COQ7: variants seen among roughly 807,000 people sequenced by gnomAD.
The protein encoded by COQ7 is NADPH-dependent 3-demethoxyubiquinone 3-hydroxylase, mitochondrial.
COQ7 carries 21 observed loss-of-function variants against 25.0 expected under a neutral mutation model. The ratio of observed to expected loss-of-function variants is 0.84; its 90% confidence interval spans 0.60 to 1.21. COQ7 has a LOEUF of 1.21. Ranked by LOEUF, COQ7 falls within the 50% of genes most tolerant of loss-of-function variation. The pLI, the probability that COQ7 is intolerant of heterozygous loss-of-function variation, is 0.00. For missense variants in COQ7, 311 were observed against 296.2 expected (o/e 1.05, Z -0.37); for synonymous variants, 125 against 112.4 (o/e 1.11, Z -0.71).
In COQ7 at chr16:19,078,745, C is replaced by G. The variant is rs1052085408; in HGVS notation, c.*587C>G. 1 of 152,090 alleles carries G rather than the reference C, an allele frequency of 6.6e-6. No individual in the cohort carries two copies. The highest frequency in any genetic ancestry group is 2.4e-5 in the African/African-American group (1 of 41,392). The allele number at this position is 152,090 out of a possible 1,614,324, so 9.4% of individuals were successfully genotyped here. ...GGGATTACAGGTGTGAGCCACTTCA[C>G]CAGGCCCATTTTCTCCTAAAACTTC... On this transcript the variant is annotated 3_prime_UTR_variant, in exon 6 of 6. Coordinates refer to ENST00000321998, the MANE Select transcript of COQ7 (RefSeq NM_016138.5).
chr16:19,072,056 G>A lies in COQ7; in HGVS notation c.202G>A (p.Ala68Thr). ...CGAATATGGAGCAAACCGCATCTAT[G>A]CCGGGCAGATGGCTGTCCTGGGTCG... Reference protein sequence around the residue: ...AGEYGANRIYAGQMAVLGRTS... With the variant: ...AGEYGANRIYTGQMAVLGRTS... The change falls in exon 2 of 6, where the codon GCC (alanine) becomes ACC (threonine). Residue 68 changes from alanine to threonine, a missense_variant. Transcript: ENST00000321998. 1 of 1,614,220 alleles carries A rather than the reference G, an allele frequency of 6.2e-7. No homozygotes were observed.
In COQ7 at chr16:19,079,220, C is replaced by G. The variant is rs1458764877; in HGVS notation, c.*1062C>G. On this transcript the variant is annotated 3_prime_UTR_variant, in exon 6 of 6. Coordinates refer to ENST00000321998, the MANE Select transcript of COQ7 (RefSeq NM_016138.5). Reference sequence around the variant, plus strand: ...AGCACTTTGATCACGGACTTCCCAGCCTCTAGGACTGTGAGCAATAAATGT... The same window carrying G: ...AGCACTTTGATCACGGACTTCCCAGGCTCTAGGACTGTGAGCAATAAATGT... The G allele has an allele frequency of 1.3e-5, 2 of 152,174 alleles. No homozygotes were observed. Among genetic ancestry groups the G allele is most frequent in the African/African-American group, 4.8e-5 (2 of 41,436 alleles). The allele number at this position is 152,174 out of a possible 1,614,324, so 9.4% of individuals were successfully genotyped here. A position where few individuals can be genotyped will look rare whatever the true frequency, so the allele number is the denominator to read the frequency against.
At chr16:19,076,346 C>T (rs1411714850) in intron 4 of COQ7, among the ~76,000 whole-genome samples, 2 of 150,562 alleles carry the variant, frequency 1.3e-5, no homozygotes, top group Non-Finnish European at 2.9e-5. Flanking sequence ...CCTCTCTCCT[C>T]AGCTTCCCAA....
chr16:19,080,759 ATTATG>A (rs968990293), downstream of COQ7, among the ~76,000 whole-genome samples: 4 of 152,136 alleles, frequency 2.6e-5, no homozygotes, highest in African/African-American at 9.7e-5. Context: ...AATTAGGGTT[ATTATG>A]TTAAGTTATT....
chr16:19,075,981 G>T, intron 4 of COQ7, 121 bp downstream of exon 4: 1 of 1,329,480 alleles, frequency 7.5e-7, no homozygotes, highest in South Asian at 1.3e-5. Flanking sequence ...GCTCAGGTCA[G>T]TGCCTCAGTT....
At chr16:19,077,592 T>TTTTTTTTTTTTTTTTTTTTTTTTC (rs1962922433) in intron 5 of COQ7, among the ~76,000 whole-genome samples, 1 of 110,234 alleles carries the variant, frequency 9.1e-6, no homozygotes, top group African/African-American at 3.9e-5. Flanking sequence ...CCCAGAAGCT[T>TTTTTTTTTTTTTTTTTTTTTTTTC]TTTTTTTTTT....
At chr16:19,069,859 C>T (rs1962464563) in intron 1 of COQ7, among the ~76,000 whole-genome samples, 1 of 152,154 alleles carries the variant, frequency 6.6e-6, no homozygotes, top group Admixed American at 6.5e-5. Context: ...TCTTAGCTCA[C>T]TGCAGCCTTT....
Position 19,072,519 on chromosome 16 carries a change from T to C in COQ7, c.252+413T>C, listed in dbSNP as rs183286573. On this transcript the variant is annotated intron_variant, in intron 2 of 5. Coordinates refer to ENST00000321998, the MANE Select transcript of COQ7 (RefSeq NM_016138.5). ...ACACAGACCTGGTTCACATTTTGGC[T>C]CTCTCCCACCTCCTACCTGTGCGAC... The C allele has an allele frequency of 1.6e-3, 259 of 163,868 alleles. 5 individuals carry two copies. In the East Asian group the frequency reaches 0.028, roughly 18 times the overall value. The allele number at this position is 163,868 out of a possible 1,614,324, so 10.2% of individuals were successfully genotyped here. A position where few individuals can be genotyped will look rare whatever the true frequency, so the allele number is the denominator to read the frequency against.
In COQ7 at chr16:19,078,410, C is replaced by T. The variant is rs2142401399; in HGVS notation, c.*252C>T. 1 of 290,204 alleles carries T rather than the reference C, an allele frequency of 3.4e-6. No homozygotes were observed. Among genetic ancestry groups the T allele is most frequent in the East Asian group, 5.7e-5 (1 of 17,504 alleles). 18.0% of individuals were successfully genotyped at this position (290,204 alleles called of 1,614,324 possible). A position where few individuals can be genotyped will look rare whatever the true frequency, so the allele number is the denominator to read the frequency against. ...AACGAAGCTGGGCCTTGTTTGGTCTCATACTTAATTTTCTTTTATATACAT... is the reference window on the plus strand; with the variant it reads ...AACGAAGCTGGGCCTTGTTTGGTCTTATACTTAATTTTCTTTTATATACAT... On this transcript the variant is annotated 3_prime_UTR_variant, in exon 6 of 6. Coordinates refer to ENST00000321998, the MANE Select transcript of COQ7 (RefSeq NM_016138.5).
chr16:19,067,984 C>A, intron 1 of COQ7: 2 of 1,405,722 alleles, frequency 1.4e-6, no homozygotes, highest in Non-Finnish European at 9.2e-7. Flanking sequence ...CGCAATTGCA[C>A]CCCTGTGCAG....
intron 1 of COQ7, among the ~76,000 whole-genome samples, chr16:19,069,931 G>A (rs1388825343): frequency 3.3e-5 from 5 of 151,884 alleles, no homozygotes; most frequent in Admixed American, 1.3e-4. Flanking sequence ...CTACAGGCAC[G>A]TGCCACGATG....
At chr16:19,070,826 C>T (rs1039665992) in intron 1 of COQ7, among the ~76,000 whole-genome samples, 2 of 152,048 alleles carry the variant, frequency 1.3e-5, no homozygotes, top group Non-Finnish European at 2.9e-5. Context: ...CACTATTTTC[C>T]GTATCTGCAA....
At chr16:19,080,669 T>A (rs879918252), downstream of COQ7, among the ~76,000 whole-genome samples, 5 of 152,068 alleles carry the variant, frequency 3.3e-5, no homozygotes, top group African/African-American at 1.2e-4. Context: ...GTGAATAACA[T>A]TAATATATAT....
chr16:19,068,139 G>A (rs957142441), intron 1 of COQ7: 16 of 1,054,666 alleles, frequency 1.5e-5, no homozygotes, highest in African/African-American at 1.7e-5. Context: ...AGCAGCCTCC[G>A]CTACTTCTGG....
chr16:19,077,229 C>A, intron 4 of COQ7, 77 bp from the exon 5 acceptor site: 2 of 1,310,520 alleles, frequency 1.5e-6, no homozygotes, highest in Non-Finnish European at 2.2e-6. Context: ...TAATAAGAGG[C>A]TTTAGCCTCC....
At chr16:19,074,086 T>A in intron 3 of COQ7, 51 bp downstream of exon 3, 1 of 1,321,854 alleles carries the variant, frequency 7.6e-7, no homozygotes, top group South Asian at 1.2e-5. Context: ...CTAGGATGAT[T>A]AAATCCTTCA....
chr16:19,078,301 TAAACTCTGCAGTGTTGA>T lies in COQ7; in HGVS notation c.*144_*160del, dbSNP rs1396013777. The T allele has an allele frequency of 4.9e-6, 3 of 608,168 alleles. No homozygotes were observed. The highest frequency in any genetic ancestry group is 5.1e-6 in the Non-Finnish European group (2 of 391,942). The allele number at this position is 608,168 out of a possible 1,614,324, so 37.7% of individuals were successfully genotyped here. On this transcript the variant is annotated 3_prime_UTR_variant, in exon 6 of 6. Transcript: ENST00000321998. ...ATTATAAGGTTTGTTTTTTTTTTTT[TAAACTCTGCAGTGTTGA>T]TTTTTCTCTGGGTTGTTTTTTCTGC...
In COQ7 at chr16:19,079,926, G is replaced by C. The variant is rs1156973735; in HGVS notation, c.*1768G>C. 3.3e-5 allele frequency: 5 copies of C among 152,206 alleles called. No homozygotes were observed. Among genetic ancestry groups the C allele is most frequent in the African/African-American group, 1.2e-4 (5 of 41,446 alleles). The allele number at this position is 152,206 out of a possible 1,614,324, so 9.4% of individuals were successfully genotyped here. ...ATAAATTAAGGCTGGGCATTTGTTT[G>C]AAATTAGATAGGATAAAGCCAAAGG... On this transcript the variant is annotated 3_prime_UTR_variant, in exon 6 of 6. Coordinates refer to ENST00000321998, the MANE Select transcript of COQ7 (RefSeq NM_016138.5).
At chr16:19,080,499 G>A (rs7187905), downstream of COQ7, among the ~76,000 whole-genome samples, 2,153 of 152,152 alleles carry the variant, frequency 0.014, 43 homozygotes, top group African/African-American at 0.049. Flanking sequence ...CCTTTAATAT[G>A]TTCAGTAGGC....
Sources: allele counts gnomAD v4.1 joint callset (sites outside exome capture counted in the v4.1 genomes callset), GRCh38; gene constraint gnomAD v4.1.1; transcripts MANE v1.5; gene names NCBI Gene and HGNC (gene_info 2026-07-23, HGNC 2026-07-21).